Variants in SGMS2 observed in about 807,000 individuals in gnomAD.
SGMS2 encodes the protein phosphatidylcholine:ceramide cholinephosphotransferase 2.
Under a neutral mutation model 43.8 loss-of-function variants are expected in SGMS2, and 21 were observed. The ratio of observed to expected loss-of-function variants is 0.48; its 90% CI spans 0.34 to 0.69. The LOEUF is 0.69. Ranked by LOEUF, SGMS2 falls within the 30% of genes least tolerant of loss-of-function variation. The pLI is 0.01. For missense variants in SGMS2, 384 were observed against 443.2 expected (o/e 0.87, Z 1.20); for synonymous variants, 167 against 160.6 (o/e 1.04, Z -0.30).
intron 1 of SGMS2, among the ~76,000 whole-genome samples, chr4:107,847,590 G>A (rs568617795): frequency 9.9e-5 from 15 of 152,136 alleles, no homozygotes; most frequent in African/African-American, 2.9e-4. Flanking sequence ...TTGACTTGGC[G>A]ATGCGGGCTG....
At chr4:107,874,150 G>A (rs1728743920) in intron 2 of SGMS2, 1 of 152,082 alleles carries the variant, frequency 6.6e-6, no homozygotes, top group African/African-American at 2.4e-5. Context: ...AAGAAAAACA[G>A]GCAGTTCACT....
intron 1 of SGMS2, among the ~76,000 whole-genome samples, chr4:107,839,578 ATAAT>A (rs1726388533): frequency 6.6e-6 from 1 of 152,224 alleles, no homozygotes; most frequent in South Asian, 2.1e-4. Flanking sequence ...AGTAACAAAA[ATAAT>A]TAATGTTACT....
rs1019444775 is a variant in SGMS2, at chr4:107,913,950, G to A, written c.*3397G>A. On this transcript the variant is annotated 3_prime_UTR_variant, in exon 7 of 7. Coordinates refer to ENST00000690982, the MANE Select transcript of SGMS2 (RefSeq NM_001375905.1). ...ACTGTAAAACTGATGAAAACTTTAA[G>A]CCAATCTTAATGCACTAGCCTCTGT... The A allele has an allele frequency of 5.3e-5, 8 of 152,068 alleles. No homozygotes were observed. Among genetic ancestry groups the A allele is most frequent in the African/African-American group, 1.9e-4 (8 of 41,428 alleles). 9.4% of individuals were successfully genotyped at this position (152,068 alleles called of 1,614,324 possible). A position where few individuals can be genotyped will look rare whatever the true frequency, so the allele number is the denominator to read the frequency against.
intron 1 of SGMS2, among the ~76,000 whole-genome samples, chr4:107,849,659 A>G (rs1578525664): frequency 7.0e-6 from 1 of 142,730 alleles, no homozygotes; most frequent in African/African-American, 3.0e-5. Flanking sequence ...ATCACAATTG[A>G]CTTTTTAAAG....
At chr4:107,828,483 A>G (rs982669042) in intron 1 of SGMS2, among the ~76,000 whole-genome samples, 4 of 152,328 alleles carry the variant, frequency 2.6e-5, no homozygotes, top group African/African-American at 9.6e-5. Context: ...TCATCCAAAC[A>G]TGGACAACTG....
chr4:107,884,013 C>T (rs985643460), intron 2 of SGMS2, among the ~76,000 whole-genome samples: 6 of 152,154 alleles, frequency 3.9e-5, no homozygotes, highest in African/African-American at 1.2e-4. Context: ...TAATGTTTTT[C>T]AATTTTTAAT....
chr4:107,890,599 C>A (rs1730121496), intron 2 of SGMS2, among the ~76,000 whole-genome samples: 1 of 148,230 alleles, frequency 6.7e-6, no homozygotes, highest in Non-Finnish European at 1.5e-5. Context: ...CCCTTGAATC[C>A]AGGAGGTGGA....
At position 107,835,387 on chromosome 4, in the gene SGMS2, G is replaced by A. The variant is rs75294806; in HGVS notation, c.-327+10134G>A. On this transcript the variant is annotated intron_variant, in intron 1 of 6. Coordinates refer to ENST00000690982, the MANE Select transcript of SGMS2 (RefSeq NM_001375905.1). The stretch of plus-strand genomic sequence containing the variant: ...CTTTTTAGATTTGGAGTCACTTTGC[G>A]ACTTTCAGAGAAAAATATCTATACA... 5.8e-4 allele frequency among the ~76,000 whole-genome samples: 88 copies of A among 152,198 alleles called. 2 individuals are homozygous for A. Among genetic ancestry groups the A allele is most frequent in the African/African-American group, 1.7e-3 (69 of 41,528 alleles).
At position 107,908,573 on chromosome 4, in the gene SGMS2, C is replaced by T. The variant is rs775275526; in HGVS notation, c.736C>T (p.Arg246Cys). 7.4e-6 allele frequency: 12 copies of T among 1,612,634 alleles called. No individual in the cohort carries two copies. The highest frequency in any genetic ancestry group is 6.8e-6 in the Non-Finnish European group (8 of 1,179,366). The change falls in exon 6 of 7, where the codon CGT becomes TGT. Residue 246 changes from arginine (R) to cysteine (C), a missense_variant. By Grantham distance (180) the Arg-to-Cys change is radical (BLOSUM62 -3). Transcript: ENST00000690982. ...TYLFIKEYSPRHFWWYHLICW... is the reference protein window; with the variant it reads ...TYLFIKEYSPCHFWWYHLICW... ...ATTTTTCTACTGTCCAGATTCGCCT[C>T]GTCACTTCTGGTGGTATCATTTAAT...
At chr4:107,845,917 G>A (rs1164198167) in intron 1 of SGMS2, among the ~76,000 whole-genome samples, 1 of 152,152 alleles carries the variant, frequency 6.6e-6, no homozygotes, top group Non-Finnish European at 1.5e-5. Context: ...AGATCTAAAT[G>A]TTATGCCACC....
At chr4:107,887,577 G>A (rs1257048892) in intron 2 of SGMS2, among the ~76,000 whole-genome samples, 3 of 152,146 alleles carry the variant, frequency 2.0e-5, no homozygotes, top group Non-Finnish European at 4.4e-5. Context: ...TTGGACTTTA[G>A]GGAACCTAAT....
chr4:107,878,896 C>T (rs982336422), intron 2 of SGMS2, among the ~76,000 whole-genome samples: 5 of 152,160 alleles, frequency 3.3e-5, no homozygotes, highest in Non-Finnish European at 2.9e-5. Context: ...ATTGAAGGTA[C>T]TTTATTATAT....
chr4:107,870,253 GT>G lies in SGMS2; in HGVS notation c.-245+11701del, dbSNP rs1207777391. The stretch of plus-strand genomic sequence containing the variant: ...TTGGACTTATGTCTGTCCTCTGTAA[GT>G]AAGAGATGTCTGTGAAAAGAAAGCA... On this transcript the variant is annotated intron_variant, in intron 2 of 6. Transcript: ENST00000690982. 2.0e-5 allele frequency among the ~76,000 whole-genome samples: 3 copies of G among 152,138 alleles called. No individual in the cohort carries two copies. The East Asian group carries it at 5.8e-4, about 29-fold the overall frequency.
chr4:107,882,564 TTTGA>T (rs1380256846), intron 2 of SGMS2, among the ~76,000 whole-genome samples: 3 of 152,196 alleles, frequency 2.0e-5, no homozygotes, highest in African/African-American at 4.8e-5. Flanking sequence ...GTCCCTTCAC[TTTGA>T]TTGTTTCAAT....
intron 1 of SGMS2, among the ~76,000 whole-genome samples, chr4:107,830,142 G>A (rs1725809829): frequency 6.6e-6 from 1 of 152,138 alleles, no homozygotes; most frequent in Admixed American, 6.6e-5. Context: ...TTGGTTTTCT[G>A]TTCCTGTGTT....
intron 5 of SGMS2, 134 bp from the exon 6 acceptor site, chr4:107,908,431 T>G: frequency 1.1e-6 from 1 of 876,986 alleles, no homozygotes; most frequent in Non-Finnish European, 1.8e-6. Flanking sequence ...AGTGACTCAG[T>G]TTAGGTTATC....
At chr4:107,891,801 T>A (rs919849714) in intron 2 of SGMS2, among the ~76,000 whole-genome samples, 13 of 151,876 alleles carry the variant, frequency 8.6e-5, no homozygotes, top group African/African-American at 2.7e-4. Context: ...ATTATGCAAA[T>A]GGATTATCTT....
intron 1 of SGMS2, among the ~76,000 whole-genome samples, chr4:107,837,538 G>A (rs1447034820): frequency 6.6e-6 from 1 of 152,150 alleles, no homozygotes; most frequent in Non-Finnish European, 1.5e-5. Flanking sequence ...GAGGCAGGCA[G>A]GACCGAGTTG....
intron 1 of SGMS2, among the ~76,000 whole-genome samples, chr4:107,837,675 CAG>C (rs1726268523): frequency 2.0e-5 from 3 of 152,104 alleles, no homozygotes; most frequent in South Asian, 2.1e-4. Flanking sequence ...GGCTGCTGGG[CAG>C]AGAGTGGAGT....
Sources: allele counts gnomAD v4.1 joint callset (sites outside exome capture counted in the v4.1 genomes callset), GRCh38; gene constraint gnomAD v4.1.1; transcripts MANE v1.5; gene names NCBI Gene and HGNC (gene_info 2026-07-23, HGNC 2026-07-21).